The following CABLES2 variants were observed in gnomAD, a reference collection of about 807,000 sequenced individuals.
CABLES2 encodes Cdk5 and Abl enzyme substrate 2.
Under a neutral mutation model 44.8 loss-of-function variants are expected in CABLES2, and 35 were observed. The observed-to-expected ratio is 0.78, with a 90% CI of 0.60 to 1.04. The LOEUF is 1.04. Ranked by LOEUF, CABLES2 falls within the 50% of genes least tolerant of loss-of-function variation. The pLI is 0.00. For missense variants in CABLES2, 566 were observed against 615.7 expected (o/e 0.92, Z 0.85); for synonymous variants, 282 against 281.1 (o/e 1.00, Z -0.03).
At chr20:62,393,703 C>T (rs1260608675) in intron 5 of CABLES2, 98 bp from the exon 6 acceptor site, 5 of 1,328,364 alleles carry the variant, frequency 3.8e-6, no homozygotes, top group East Asian at 2.4e-5. Flanking sequence ...ATGCCAGGAG[C>T]CCTGCATGGA....
intron 1 of CABLES2, 60 bp downstream of exon 1, chr20:62,406,855 G>GCCCCCGT: frequency 3.0e-6 from 3 of 987,584 alleles, no homozygotes; most frequent in Non-Finnish European, 3.8e-6. Flanking sequence ...GGCTGATCCG[G>GCCCCCGT]CCCCCGTCCC....
rs752757373 is a variant in CABLES2, at chr20:62,391,068, C to T, written c.1340G>A (p.Gly447Glu). The T allele has an allele frequency of 6.2e-7, 1 of 1,613,998 alleles. No homozygotes were observed. Among genetic ancestry groups the T allele is most frequent in the Admixed American group, 1.7e-5 (1 of 60,010 alleles). The change falls in exon 10 of 10, where the codon GGG becomes GAG. Residue 447 changes from glycine to glutamate, a missense_variant. By Grantham distance (98) the Gly-to-Glu change is moderately conservative. Transcript: ENST00000279101. The surrounding 1 kb of genome is among the most constrained non-coding windows in gnomAD (Gnocchi z 5.7). ...RFRFNRRDLIGFEFTVLVALE... is the reference protein window; with the variant it reads ...RFRFNRRDLIEFEFTVLVALE... ...GGCCACGAGCACTGTGAACTCAAAC[C>T]CTATCAGGTCGCGCCTGTTGAATCG...
Position 62,390,782 on chromosome 20 carries a change from G to T in CABLES2, c.*189C>A. The T allele has an allele frequency of 1.6e-6, 1 of 620,240 alleles. No homozygotes were observed. Among genetic ancestry groups the T allele is most frequent in the South Asian group, 2.0e-5 (1 of 49,776 alleles). 38.4% of individuals were successfully genotyped at this position (620,240 alleles called of 1,614,324 possible). On this transcript the variant is annotated 3_prime_UTR_variant, in exon 10 of 10. Transcript: ENST00000279101. Reference sequence around the variant, plus strand: ...CCCCTCGGAGGGACGGTGCACTTGGGGATGAAAGCGACGTCTCTTTCCAAG... The same window carrying T: ...CCCCTCGGAGGGACGGTGCACTTGGTGATGAAAGCGACGTCTCTTTCCAAG...
intron 8 of CABLES2, among the ~76,000 whole-genome samples, chr20:62,392,149 T>C (rs555257329): frequency 7.0e-4 from 105 of 149,010 alleles, no homozygotes; most frequent in African/African-American, 2.6e-3. Flanking sequence ...TGCGAGGGTC[T>C]GGCTGTGAGA....
At position 62,390,485 on chromosome 20, in the gene CABLES2, C is replaced by G. The variant is rs534285022; in HGVS notation, c.*486G>C. The G allele has an allele frequency of 6.4e-6, 1 of 155,566 alleles. No individual in the cohort carries two copies. Among genetic ancestry groups the G allele is most frequent in the East Asian group, 1.9e-4 (1 of 5,308 alleles). The allele number at this position is 155,566 out of a possible 1,614,324, so 9.6% of individuals were successfully genotyped here. A position where few individuals can be genotyped will look rare whatever the true frequency, so the allele number is the denominator to read the frequency against. ...AGATGCTGCTGGGGAACCCGAAAAA[C>G]CACATCTCCAAGATGAATGCCTAAA... On this transcript the variant is annotated 3_prime_UTR_variant, in exon 10 of 10. Transcript: ENST00000279101.
chr20:62,399,470 ATCTCCTGACC>A (rs1988147681), intron 1 of CABLES2, among the ~76,000 whole-genome samples: 1 of 141,802 alleles, frequency 7.1e-6, no homozygotes, highest in Non-Finnish European at 1.5e-5. Flanking sequence ...GATGGTCTTG[ATCTCCTGACC>A]TCGTGATCCA....
At chr20:62,399,240 A>ATATTT (rs60092988) in intron 1 of CABLES2, among the ~76,000 whole-genome samples, 16 of 149,018 alleles carry the variant, frequency 1.1e-4, no homozygotes, top group African/African-American at 1.5e-4. Flanking sequence ...GTGAGCCACC[A>ATATTT]TATTTTATTT....
rs142785286 is a variant in CABLES2, at chr20:62,391,106, T to C, written c.1302A>G (p.Leu434=). The C allele has an allele frequency of 3.1e-6, 5 of 1,613,934 alleles. No homozygotes were observed. Among genetic ancestry groups the C allele is most frequent in the African/African-American group, 2.7e-5 (2 of 74,932 alleles). The change falls in exon 10 of 10, where the codon TTA becomes TTG. Residue 434 remains leucine, a synonymous_variant. Transcript: ENST00000279101. This position sits in a 1 kb window ranked among gnomAD's most constrained non-coding sequence, Gnocchi z 5.7. The part of the protein sequence containing the change: ...KSGVTQLIDK[L]EERFRFNRRD... Reference sequence around the variant, plus strand: ...GCCTGTTGAATCGAAACCTTTCTTCTAACTTCTGCAGGGGAGAAGAGAGAA... The same window carrying C: ...GCCTGTTGAATCGAAACCTTTCTTCCAACTTCTGCAGGGGAGAAGAGAGAA...
At chr20:62,393,330 C>T (rs984248816) in intron 6 of CABLES2, 110 bp downstream of exon 6, 8 of 1,180,802 alleles carry the variant, frequency 6.8e-6, no homozygotes, top group African/African-American at 1.5e-5. Context: ...TCCATCTGCA[C>T]GGAGGGCTAC....
chr20:62,405,728 C>T (rs1988270420), intron 1 of CABLES2: 1 of 152,282 alleles, frequency 6.6e-6, no homozygotes, highest in African/African-American at 2.4e-5. Context: ...ACGTGCCAGC[C>T]TTGACCCAAG....
intron 3 of CABLES2, among the ~76,000 whole-genome samples, chr20:62,395,288 T>C (rs915519040): frequency 4.8e-5 from 7 of 145,054 alleles, no homozygotes; most frequent in Non-Finnish European, 9.1e-5. Context: ...GGCACAGCAG[T>C]GACATCCCGA....
intron 3 of CABLES2, among the ~76,000 whole-genome samples, chr20:62,395,297 G>A (rs927636669): frequency 1.5e-5 from 2 of 135,032 alleles, no homozygotes; most frequent in South Asian, 2.3e-4. Context: ...GTGACATCCC[G>A]AAGGCTCCTT....
rs1034078173 is a variant in CABLES2, at chr20:62,389,592, C to T, written c.*1379G>A. 8 of 152,234 alleles carry T rather than the reference C, an allele frequency of 5.3e-5. No homozygotes were observed. The highest frequency in any genetic ancestry group is 1.0e-4 in the Non-Finnish European group (7 of 68,062). 9.4% of individuals were successfully genotyped at this position (152,234 alleles called of 1,614,324 possible). On this transcript the variant is annotated 3_prime_UTR_variant, in exon 10 of 10. Transcript: ENST00000279101. ...ATGTATTGTATTAATGGGCTAGAGA[C>T]AAAGTCGTCCCAGAGCCCCTCCAGG...
chr20:62,391,441 CT>C lies in CABLES2; in HGVS notation c.1103del (p.Glu368GlyfsTer14), dbSNP rs747642170. The C allele has an allele frequency of 3.7e-6, 6 of 1,613,004 alleles. No individual in the cohort carries two copies. On this transcript the variant is annotated frameshift_variant, in exon 9 of 10. Coordinates refer to ENST00000279101, the MANE Select transcript of CABLES2 (RefSeq NM_031215.3). LOFTEE classifies it high-confidence loss of function. This position sits in a 1 kb window ranked among gnomAD's most constrained non-coding sequence, Gnocchi z 5.7. Reference protein sequence around the residue: ...TLSKIRSLKREMRSLSEECSL... With the variant: ...TLSKIRSLKRXMRSLSEECSL... ...TGCACTCCTCCGACAGGCTCCGCAT[CT>C]CCCGCTTTAAGCTGTGGGTTAAGAC...
intron 1 of CABLES2, chr20:62,404,999 G>A (rs956224509): frequency 1.3e-5 from 2 of 152,378 alleles, no homozygotes; most frequent in Non-Finnish European, 2.9e-5. Flanking sequence ...CTCAGTCACA[G>A]GCACTTCCCT....
chr20:62,392,621 C>A, intron 7 of CABLES2, 126 bp from the exon 8 acceptor site: 1 of 736,656 alleles, frequency 1.4e-6, no homozygotes, highest in Non-Finnish European at 2.4e-6. Flanking sequence ...CTTGAGAGGC[C>A]CCGAATCTCT....
At chr20:62,394,339 G>C in intron 4 of CABLES2, 74 bp from the exon 5 acceptor site, 1 of 1,218,174 alleles carries the variant, frequency 8.2e-7, no homozygotes, top group Non-Finnish European at 1.2e-6. Context: ...CCACCTGTCC[G>C]CTGGCCCGAG....
chr20:62,391,410 C>T lies in CABLES2; in HGVS notation c.1135G>A (p.Glu379Lys). The change falls in exon 9 of 10, where the codon GAG becomes AAG. Residue 379 changes from glutamate (E) to lysine (K), a missense_variant. By Grantham distance (56) the Glu-to-Lys change is moderately conservative (BLOSUM62 1). Coordinates refer to ENST00000279101, the MANE Select transcript of CABLES2 (RefSeq NM_031215.3). The surrounding 1 kb of genome is among the most constrained non-coding windows in gnomAD (Gnocchi z 5.7). ...TAGGCCATGGCCACCGTCACGGGCTCCAGGCTGCACTCCTCCGACAGGCTC... is the reference window on the plus strand; with the variant it reads ...TAGGCCATGGCCACCGTCACGGGCTTCAGGCTGCACTCCTCCGACAGGCTC... ...MRSLSEECSL[E>K]PVTVAMAYVY... The T allele has an allele frequency of 6.2e-7, 1 of 1,613,332 alleles. No individual in the cohort carries two copies. Among genetic ancestry groups the T allele is most frequent in the Non-Finnish European group, 8.5e-7 (1 of 1,180,016 alleles).
intron 1 of CABLES2, among the ~76,000 whole-genome samples, chr20:62,397,941 G>GCGGCGGTGGTGGTGGTGATGA: frequency 7.3e-6 from 1 of 136,126 alleles, no homozygotes; most frequent in African/African-American, 2.8e-5. Flanking sequence ...GGTGGTGATG[G>GCGGCGGTGGTGGTGGTGATGA]TGGTGACGGT....
Sources: gnomAD v4.1 joint callset for allele counts (sites outside exome capture counted in the v4.1 genomes callset) on GRCh38, gnomAD v4.1.1 for gene constraint, Gnocchi (gnomAD v3.1) non-coding constraint, MANE v1.5 for transcripts, NCBI Gene and HGNC (gene_info 2026-07-23, HGNC 2026-07-21) for gene names.